Variants in KCNQ3 observed in about 807,000 individuals in gnomAD.
KCNQ3 encodes the protein potassium voltage-gated channel subfamily KQT member 3.
A neutral mutation model predicts 92.5 loss-of-function variants in KCNQ3; 30 were observed. The observed-to-expected ratio is 0.32, with a 90% confidence interval of 0.24 to 0.44. The LOEUF is 0.44. Among genes scored for constraint, KCNQ3 ranks in the 20% least tolerant of loss-of-function variants. KCNQ3 has a pLI of 1.00. For missense variants in KCNQ3, 913 were observed against 1,140.3 expected (o/e 0.80, Z 2.87); for synonymous variants, 450 against 468.8 (o/e 0.96, Z 0.52).
intron 1 of KCNQ3, among the ~76,000 whole-genome samples, chr8:132,325,080 T>G (rs938565067): frequency 3.3e-5 from 5 of 151,880 alleles, no homozygotes; most frequent in African/African-American, 1.2e-4. Flanking sequence ...ACAACACAGC[T>G]TGGTAGGAGC....
chr8:132,134,247 AC>A (rs1824988387), intron 13 of KCNQ3, 42 bp downstream of exon 13: 1 of 1,487,210 alleles, frequency 6.7e-7, no homozygotes, highest in Middle Eastern at 2.1e-4. Context: ...TGCTTTACAA[AC>A]TTTGCACCCC....
chr8:132,370,236 G>C (rs1819437760), intron 1 of KCNQ3, among the ~76,000 whole-genome samples: 1 of 152,186 alleles, frequency 6.6e-6, no homozygotes, highest in Admixed American at 6.5e-5. Context: ...CAGCGAATTT[G>C]TATTTGTGAT....
intron 1 of KCNQ3, among the ~76,000 whole-genome samples, chr8:132,272,199 G>A (rs1283374873): frequency 1.3e-5 from 2 of 152,198 alleles, no homozygotes; most frequent in African/African-American, 4.8e-5. Context: ...TGCAGTGTCT[G>A]GGATGAAGTA....
chr8:132,343,628 C>A (rs1216415162), intron 1 of KCNQ3, among the ~76,000 whole-genome samples: 1 of 152,146 alleles, frequency 6.6e-6, no homozygotes, highest in East Asian at 1.9e-4. Context: ...GGAGGGCCAC[C>A]ACCAAGGTGC....
chr8:132,312,011 G>A (rs1817607896), intron 1 of KCNQ3, among the ~76,000 whole-genome samples: 1 of 151,950 alleles, frequency 6.6e-6, no homozygotes, highest in Non-Finnish European at 1.5e-5. Context: ...TGTGAAGATG[G>A]GGGCAGAGAT....
At chr8:132,315,942 C>G (rs964421770) in intron 1 of KCNQ3, among the ~76,000 whole-genome samples, 30 of 152,290 alleles carry the variant, frequency 2.0e-4, no homozygotes, top group African/African-American at 7.0e-4. Context: ...AGTAGGGAAA[C>G]TGTCTTAAAA....
At chr8:132,170,500 C>G in intron 7 of KCNQ3, 72 bp from the exon 8 acceptor site, 1 of 934,822 alleles carries the variant, frequency 1.1e-6, no homozygotes, top group South Asian at 1.3e-5. Context: ...CCCACACCAA[C>G]AAAACAATGT....
intron 1 of KCNQ3, among the ~76,000 whole-genome samples, chr8:132,342,274 C>T (rs1436126856): frequency 3.9e-5 from 6 of 152,128 alleles, no homozygotes; most frequent in Non-Finnish European, 8.8e-5. Context: ...CTCCCCCTCC[C>T]CCTGAAATCC....
intron 1 of KCNQ3, among the ~76,000 whole-genome samples, chr8:132,186,960 G>C (rs60001372): frequency 2.2e-3 from 302 of 134,308 alleles, no homozygotes; most frequent in East Asian, 0.017. Context: ...GAGAGACAGA[G>C]AGAGAGAGAG....
intron 1 of KCNQ3, among the ~76,000 whole-genome samples, chr8:132,439,108 T>G (rs1229209989): frequency 6.6e-6 from 1 of 151,694 alleles, no homozygotes; most frequent in Admixed American, 6.6e-5. Flanking sequence ...CCAAGCTTTA[T>G]GCCGAACCAA....
intron 1 of KCNQ3, among the ~76,000 whole-genome samples, chr8:132,393,490 T>G (rs1820104730): frequency 6.6e-6 from 1 of 152,220 alleles, no homozygotes; most frequent in Admixed American, 6.5e-5. Context: ...AATAAAACTT[T>G]ATTTACAAAA....
At chr8:132,267,871 C>A (rs1393460618) in intron 1 of KCNQ3, among the ~76,000 whole-genome samples, 10 of 152,206 alleles carry the variant, frequency 6.6e-5, no homozygotes, top group Non-Finnish European at 1.5e-4. Context: ...TAGCCTCCCC[C>A]ATTCTCAATA....
chr8:132,405,934 C>T (rs1820465077), intron 1 of KCNQ3, among the ~76,000 whole-genome samples: 1 of 152,104 alleles, frequency 6.6e-6, no homozygotes, highest in African/African-American at 2.4e-5. Context: ...TAACAGCCTC[C>T]AGGTCTTAGG....
At chr8:132,325,195 A>G (rs1818008426) in intron 1 of KCNQ3, among the ~76,000 whole-genome samples, 1 of 152,084 alleles carries the variant, frequency 6.6e-6, no homozygotes, top group African/African-American at 2.4e-5. Flanking sequence ...TAGTCAGTCA[A>G]TAAAAGGAAA....
At chr8:132,435,201 A>C (rs1821361419) in intron 1 of KCNQ3, among the ~76,000 whole-genome samples, 1 of 152,224 alleles carries the variant, frequency 6.6e-6, no homozygotes, top group Admixed American at 6.5e-5. Context: ...CCCACTGATC[A>C]TTATTCTCTT....
intron 1 of KCNQ3, among the ~76,000 whole-genome samples, chr8:132,392,922 C>CT: frequency 6.7e-6 from 1 of 150,352 alleles, no homozygotes; most frequent in South Asian, 2.1e-4. Flanking sequence ...AAACCTTTTT[C>CT]TTTTTTTCTG....
intron 1 of KCNQ3, among the ~76,000 whole-genome samples, chr8:132,272,456 C>T (rs759476587): frequency 2.0e-5 from 3 of 152,192 alleles, no homozygotes; most frequent in African/African-American, 7.2e-5. Flanking sequence ...GAACTGAGCC[C>T]TCTGGCAGGT....
intron 1 of KCNQ3, among the ~76,000 whole-genome samples, chr8:132,338,793 C>G (rs1818438606): frequency 6.6e-6 from 1 of 152,202 alleles, no homozygotes; most frequent in South Asian, 2.1e-4. Context: ...AACTGGTCTT[C>G]CCAGTAAGCA....
chr8:132,216,200 A>G (rs1205643097), intron 1 of KCNQ3, among the ~76,000 whole-genome samples: 1 of 152,224 alleles, frequency 6.6e-6, no homozygotes, highest in East Asian at 1.9e-4. Flanking sequence ...TAAAACAACA[A>G]TGATGACAAC....
Sources: gnomAD v4.1 joint callset for allele counts (sites outside exome capture counted in the v4.1 genomes callset) on GRCh38, gnomAD v4.1.1 for gene constraint, MANE v1.5 for transcripts, NCBI Gene and HGNC (gene_info 2026-07-23, HGNC 2026-07-21) for gene names.